The following LRRC37A2 variants were observed in gnomAD, a reference collection of about 807,000 sequenced individuals.
LRRC37A2 encodes leucine rich repeat containing 37 member A2.
Under a neutral mutation model 68.8 loss-of-function variants are expected in LRRC37A2, and 9 were observed. The observed-to-expected ratio is 0.13, with a 90% CI of 0.08 to 0.23. The LOEUF (loss-of-function observed/expected upper bound fraction) is 0.23, where lower values mean the gene tolerates loss of function less well. LRRC37A2 is among the 10% of genes least tolerant of loss of function. The probability of loss-of-function intolerance (pLI) is 1.00; values close to 1 mark genes in which losing one functional copy is unlikely to be tolerated. For missense variants in LRRC37A2, 168 were observed against 950.4 expected (o/e 0.18, Z 10.82); for synonymous variants, 63 against 367.6 (o/e 0.17, Z 9.48).
At chr17:47,033,378 G>A in the LRRC37A2 span, 15 of 698,716 alleles carry the variant, frequency 2.1e-5, no homozygotes, top group Middle Eastern at 3.6e-4. Flanking sequence ...TGTGGCTCAC[G>A]AACCTATGTA....
the LRRC37A2 span, among the ~76,000 whole-genome samples, chr17:46,478,736 TG>T: frequency 9.0e-6 from 1 of 110,656 alleles, no homozygotes; most frequent in Non-Finnish European, 2.1e-5. Context: ...GGTCAACTTG[TG>T]GGGTGAGAGA....
the LRRC37A2 span, among the ~76,000 whole-genome samples, chr17:46,915,783 G>C: frequency 6.6e-6 from 1 of 152,238 alleles, no homozygotes. Flanking sequence ...CATGCCTATG[G>C]GGTTGTCCAG....
At chr17:47,013,206 G>A in the LRRC37A2 span, among the ~76,000 whole-genome samples, 4 of 152,212 alleles carry the variant, frequency 2.6e-5, no homozygotes, top group East Asian at 3.8e-4. Context: ...TGGGAGGAGC[G>A]GGGTGGGCAG....
the LRRC37A2 span, among the ~76,000 whole-genome samples, chr17:46,791,217 C>G: frequency 6.8e-6 from 1 of 146,764 alleles, no homozygotes; most frequent in East Asian, 2.0e-4. Flanking sequence ...TTTCCTTACT[C>G]TTTTTTTTTT....
chr17:46,842,005 A>G, the LRRC37A2 span, among the ~76,000 whole-genome samples: 1 of 152,130 alleles, frequency 6.6e-6, no homozygotes, highest in African/African-American at 2.4e-5. Flanking sequence ...CTCCTGCAGA[A>G]GGCTGGCCGC....
the LRRC37A2 span, among the ~76,000 whole-genome samples, chr17:46,754,450 T>C: frequency 1.8e-4 from 28 of 152,326 alleles, 1 homozygote; most frequent in East Asian, 5.0e-3. Context: ...GAGTTCCCTC[T>C]TGGGAAACAG....
the LRRC37A2 span, among the ~76,000 whole-genome samples, chr17:46,958,693 C>T: frequency 6.6e-6 from 1 of 152,228 alleles, no homozygotes; most frequent in African/African-American, 2.4e-5. Flanking sequence ...TTCTCCCTAG[C>T]CTCCAGAGGT....
At chr17:47,022,187 C>CTTTTT in the LRRC37A2 span, among the ~76,000 whole-genome samples, 1 of 3,326 alleles carries the variant, frequency 3.0e-4, no homozygotes, top group African/African-American at 4.4e-4. Flanking sequence ...TTTTTTTTTC[C>CTTTTT]AGAGACAGGT....
At chr17:47,033,720 A>C in the LRRC37A2 span, among the ~76,000 whole-genome samples, 1 of 152,228 alleles carries the variant, frequency 6.6e-6, no homozygotes, top group Non-Finnish European at 1.5e-5. Flanking sequence ...AAGAATTTGG[A>C]GGGAAAAAAA....
At chr17:46,918,146 C>A in the LRRC37A2 span, among the ~76,000 whole-genome samples, 1 of 152,218 alleles carries the variant, frequency 6.6e-6, no homozygotes, top group Admixed American at 6.5e-5. Context: ...GCGGCGCGAT[C>A]TCAGCTCACC....
chr17:46,741,475 A>C, the LRRC37A2 span, among the ~76,000 whole-genome samples: 1 of 152,210 alleles, frequency 6.6e-6, no homozygotes, highest in African/African-American at 2.4e-5. Flanking sequence ...GTAGACTAAG[A>C]ATTTGCTTCA....
At chr17:46,947,700 GAAT>G in the LRRC37A2 span, among the ~76,000 whole-genome samples, 1 of 152,194 alleles carries the variant, frequency 6.6e-6, no homozygotes, top group Non-Finnish European at 1.5e-5. Flanking sequence ...TGTATAGTGA[GAAT>G]AATAATAACT....
chr17:46,805,800 A>T, the LRRC37A2 span, among the ~76,000 whole-genome samples: 1 of 152,194 alleles, frequency 6.6e-6, no homozygotes, highest in Admixed American at 6.5e-5. Context: ...CCCCAGGAAG[A>T]AAACCTGGGC....
At chr17:46,994,310 C>T in the LRRC37A2 span, among the ~76,000 whole-genome samples, 31 of 151,360 alleles carry the variant, frequency 2.0e-4, no homozygotes, top group East Asian at 1.4e-3. Context: ...ACTTGAGCCC[C>T]GGAGGCGAAC....
At chr17:46,580,238 TACTGGCCACCCGCACCTCGTTAAG>T in the LRRC37A2 span, among the ~76,000 whole-genome samples, 420 of 150,402 alleles carry the variant, frequency 2.8e-3, 5 homozygotes, top group African/African-American at 0.01. Flanking sequence ...TTGGGGAAAA[TACTGGCCACCCGCACCTCGTTAAG>T]ACGTCGCAGA....
At chr17:46,923,517 A>C in the LRRC37A2 span, 1 of 1,366,362 alleles carries the variant, frequency 7.3e-7, no homozygotes. Flanking sequence ...AGGTTATAAA[A>C]CTTTGTCCAG....
chr17:46,855,892 T>TTGATCAGGCTGGTCTGGAAC, the LRRC37A2 span, among the ~76,000 whole-genome samples: 13 of 152,078 alleles, frequency 8.5e-5, no homozygotes, highest in Admixed American at 5.2e-4. Flanking sequence ...AGAGACCATG[T>TTGATCAGGCTGGTCTGGAAC]TGATCAGGCT....
At chr17:47,020,917 G>A in the LRRC37A2 span, among the ~76,000 whole-genome samples, 2 of 151,824 alleles carry the variant, frequency 1.3e-5, no homozygotes, top group Non-Finnish European at 2.9e-5. Context: ...GATCCTTGAG[G>A]TGTGGAGATG....
the LRRC37A2 span, among the ~76,000 whole-genome samples, chr17:46,919,734 G>A: frequency 2.0e-5 from 3 of 152,126 alleles, no homozygotes; most frequent in African/African-American, 7.2e-5. Context: ...ATCATCTGAG[G>A]TCGGGAGTTC....
Sources: gnomAD v4.1 joint callset for allele counts (sites outside exome capture counted in the v4.1 genomes callset) on GRCh38, gnomAD v4.1.1 for gene constraint, MANE v1.5 for transcripts, NCBI Gene and HGNC (gene_info 2026-07-23, HGNC 2026-07-21) for gene names.